Variants in ARK2N observed in about 807,000 individuals in gnomAD.
ARK2N encodes the protein arkadia (RNF111) N-terminal like PKA signaling regulator 2N.
At chr18:46,228,952 A>G in the ARK2N span, 4 of 394,422 alleles carry the variant, frequency 1.0e-5, no homozygotes, top group Middle Eastern at 6.3e-4. Flanking sequence ...AATTTTGGAA[A>G]GCCTTTTCTA....
At chr18:46,205,673 G>A in the ARK2N span, among the ~76,000 whole-genome samples, 2 of 152,102 alleles carry the variant, frequency 1.3e-5, no homozygotes. Context: ...TACCAATGAT[G>A]TCAAAATCTG....
chr18:46,179,863 A>G, the ARK2N span, among the ~76,000 whole-genome samples: 3 of 151,994 alleles, frequency 2.0e-5, no homozygotes, highest in Non-Finnish European at 2.9e-5. Flanking sequence ...GACCTCAGGT[A>G]ATCTGCCCGC....
the ARK2N span, among the ~76,000 whole-genome samples, chr18:46,237,448 C>T: frequency 2.0e-5 from 3 of 147,366 alleles, no homozygotes; most frequent in African/African-American, 7.6e-5. Flanking sequence ...AGTTCAGTGG[C>T]ACGATCTCGG....
the ARK2N span, among the ~76,000 whole-genome samples, chr18:46,231,057 CTT>C: frequency 6.6e-6 from 1 of 152,154 alleles, no homozygotes; most frequent in African/African-American, 2.4e-5. Flanking sequence ...TAATAACTCT[CTT>C]AATCATATTG....
the ARK2N span, among the ~76,000 whole-genome samples, chr18:46,249,909 C>T: frequency 6.6e-6 from 1 of 152,130 alleles, no homozygotes; most frequent in Non-Finnish European, 1.5e-5. Flanking sequence ...GCAGCCTTGA[C>T]TCCCTGGGCT....
chr18:46,244,446 G>A, the ARK2N span, among the ~76,000 whole-genome samples: 23 of 152,110 alleles, frequency 1.5e-4, no homozygotes, highest in Middle Eastern at 3.4e-3. Flanking sequence ...CATGGTGGCA[G>A]TACAGAGAAA....
the ARK2N span, among the ~76,000 whole-genome samples, chr18:46,221,351 G>T: frequency 9.8e-3 from 1,482 of 150,674 alleles, 27 homozygotes; most frequent in African/African-American, 0.034. Flanking sequence ...TTCGAGACCA[G>T]CCTGGCCAAC....
At chr18:46,196,691 T>C in the ARK2N span, among the ~76,000 whole-genome samples, 2 of 152,238 alleles carry the variant, frequency 1.3e-5, no homozygotes, top group Non-Finnish European at 2.9e-5. Context: ...CATTTCAGCA[T>C]CTGAGAGTCA....
At chr18:46,176,178 G>A in the ARK2N span, among the ~76,000 whole-genome samples, 2 of 152,124 alleles carry the variant, frequency 1.3e-5, no homozygotes, top group African/African-American at 2.4e-5. Flanking sequence ...CGCTTCTGTA[G>A]TTACTCATTA....
At chr18:46,223,632 A>G in the ARK2N span, among the ~76,000 whole-genome samples, 15 of 152,356 alleles carry the variant, frequency 9.8e-5, no homozygotes, top group Admixed American at 7.8e-4. Flanking sequence ...AGAGCATTTC[A>G]TAAGAGCATT....
the ARK2N span, among the ~76,000 whole-genome samples, chr18:46,245,964 A>T: frequency 1.3e-5 from 2 of 152,070 alleles, no homozygotes; most frequent in Non-Finnish European, 2.9e-5. Context: ...TAGTGAAAGA[A>T]GTTATCTTTC....
chr18:46,256,176 T>C, the ARK2N span, among the ~76,000 whole-genome samples: 1 of 152,246 alleles, frequency 6.6e-6, no homozygotes, highest in African/African-American at 2.4e-5. Context: ...ATTTCAAATT[T>C]TAATTCATTG....
the ARK2N span, chr18:46,262,804 T>C: frequency 2.7e-5 from 26 of 946,314 alleles, no homozygotes; most frequent in Admixed American, 1.3e-4. Flanking sequence ...TGATTGTGGG[T>C]TTTATGAACT....
chr18:46,219,986 C>T, the ARK2N span, among the ~76,000 whole-genome samples: 1 of 152,118 alleles, frequency 6.6e-6, no homozygotes, highest in Middle Eastern at 3.2e-3. Context: ...TTTGAACATA[C>T]TAACATACGT....
the ARK2N span, among the ~76,000 whole-genome samples, chr18:46,213,348 G>T: frequency 1.3e-5 from 2 of 152,012 alleles, no homozygotes; most frequent in East Asian, 3.9e-4. Flanking sequence ...CTCCATAATA[G>T]AATTAACTCT....
chr18:46,237,388 CTT>C, the ARK2N span, among the ~76,000 whole-genome samples: 1,931 of 127,892 alleles, frequency 0.015, 40 homozygotes, highest in African/African-American at 0.046. Flanking sequence ...AGGCCAAGTG[CTT>C]TTTTTTTTTT....
At chr18:46,213,707 A>AT in the ARK2N span, among the ~76,000 whole-genome samples, 1,498 of 151,906 alleles carry the variant, frequency 9.9e-3, 29 homozygotes, top group African/African-American at 0.034. Flanking sequence ...TATTTTATTT[A>AT]TTTTTTTGAG....
the ARK2N span, chr18:46,216,926 C>T: frequency 4.1e-6 from 1 of 243,736 alleles, no homozygotes; most frequent in Non-Finnish European, 8.1e-6. The surrounding 1 kb of genome is among the most constrained non-coding windows in gnomAD (Gnocchi z 4.3). Context: ...ATTTAATACT[C>T]ACTGTTCGGC....
chr18:46,213,164 G>C, the ARK2N span, among the ~76,000 whole-genome samples: 1 of 151,616 alleles, frequency 6.6e-6, no homozygotes, highest in Non-Finnish European at 1.5e-5. Context: ...ACCACGCCTG[G>C]CTAATTTTTG....
Sources: gnomAD v4.1 joint callset for allele counts (sites outside exome capture counted in the v4.1 genomes callset) on GRCh38, gnomAD v4.1.1 for gene constraint, Gnocchi (gnomAD v3.1) non-coding constraint, MANE v1.5 for transcripts, NCBI Gene and HGNC (gene_info 2026-07-23, HGNC 2026-07-21) for gene names.